Variants in THAP2 observed in about 807,000 individuals in gnomAD.
THAP2 encodes the protein THAP domain-containing protein 2.
In THAP2, 16 loss-of-function variants were observed where a neutral mutation model predicts 18.8. The observed-to-expected ratio is 0.85, with a 90% CI of 0.58 to 1.29. THAP2 has a LOEUF of 1.29. THAP2 is among the 50% of genes most tolerant of loss of function. The pLI is 0.00. For missense variants in THAP2, 251 were observed against 265.3 expected, an observed-to-expected ratio of 0.95 and a Z score of 0.38; for synonymous variants, 80 against 89.2, an observed-to-expected ratio of 0.90 and a Z score of 0.58.
At position 71,678,016 on chromosome 12, in the gene THAP2, T is replaced by C. The variant is rs897892124; in HGVS notation, c.*908T>C. 2 of 152,214 alleles carry C rather than the reference T, an allele frequency of 1.3e-5. No individual in the cohort carries two copies. The highest frequency in any genetic ancestry group is 2.9e-5 in the Non-Finnish European group (2 of 68,028). The allele number at this position is 152,214 out of a possible 1,614,324, so 9.4% of individuals were successfully genotyped here. A position where few individuals can be genotyped will look rare whatever the true frequency, so the allele number is the denominator to read the frequency against. On this transcript the variant is annotated 3_prime_UTR_variant, in exon 3 of 3. Transcript: ENST00000308086. ...GTATCAATATAGTGGGCTTTTTTTT[T>C]CCTCTTCATAAACCCACAGTAAAAT...
In THAP2 at chr12:71,664,513, C is replaced by T. The variant is rs772102938; in HGVS notation, c.4C>T (p.Pro2Ser). ...GCTGAATGAGTGGGAAAGGGAAATG[C>T]CGACCAATTGCGCTGCGGCGGGCTG... The part of the protein sequence containing the change: M[P>S]TNCAAAGCAT... The change falls in exon 1 of 3, where the codon CCG becomes TCG. Residue 2 changes from proline (P) to serine (S), a missense_variant. Pro to Ser is a moderately conservative substitution (Grantham distance 74). Transcript: ENST00000308086. 1.8e-5 allele frequency: 29 copies of T among 1,614,062 alleles called. No individual in the cohort carries two copies. Among genetic ancestry groups the T allele is most frequent in the Non-Finnish European group, 2.4e-5 (28 of 1,180,044 alleles).
Position 71,674,414 on chromosome 12 carries a change from C to G in THAP2, c.267+16C>G. 1 of 1,554,972 alleles carries G rather than the reference C, an allele frequency of 6.4e-7. No individual in the cohort carries two copies. Among genetic ancestry groups the G allele is most frequent in the Non-Finnish European group, 8.7e-7 (1 of 1,145,360 alleles). ...AAAGTCTATGGTAGGTAATGTTACT[C>G]TCCTTTTGTTAAAACCATTTTTAGA... On this transcript the variant is annotated intron_variant, in intron 2 of 2. Coordinates refer to ENST00000308086, the MANE Select transcript of THAP2 (RefSeq NM_031435.4).
rs1881537403 is a variant in THAP2, at chr12:71,677,303, A to C, written c.*195A>C. On this transcript the variant is annotated 3_prime_UTR_variant, in exon 3 of 3. Coordinates refer to ENST00000308086, the MANE Select transcript of THAP2 (RefSeq NM_031435.4). ...ATTTGAAAATGAGTGGAAGTGCCTT[A>C]CATTAGAATTACGGACTTAAAAATT... 1 of 467,900 alleles carries C rather than the reference A, an allele frequency of 2.1e-6. No homozygotes were observed. Among genetic ancestry groups the C allele is most frequent in the Non-Finnish European group, 3.4e-6 (1 of 290,912 alleles). 29.0% of individuals were successfully genotyped at this position (467,900 alleles called of 1,614,324 possible). A position where few individuals can be genotyped will look rare whatever the true frequency, so the allele number is the denominator to read the frequency against.
chr12:71,675,113 A>G (rs1881502245), intron 2 of THAP2, among the ~76,000 whole-genome samples: 1 of 152,164 alleles, frequency 6.6e-6, no homozygotes, highest in South Asian at 2.1e-4. Flanking sequence ...GCTGGGAAAG[A>G]CAGGGTCACC....
intron 1 of THAP2, among the ~76,000 whole-genome samples, chr12:71,666,515 GAAAAAAC>G (rs1881345325): frequency 6.6e-6 from 1 of 150,866 alleles, no homozygotes; most frequent in South Asian, 2.1e-4. Flanking sequence ...CCTGTCTCAA[GAAAAAAC>G]AAAAAACAAA....
chr12:71,676,560 T>C, intron 2 of THAP2, 129 bp from the exon 3 acceptor site: 1 of 899,950 alleles, frequency 1.1e-6, no homozygotes, highest in South Asian at 2.1e-5. Context: ...CTGCTGCTGT[T>C]TCCTATTAAA....
chr12:71,667,288 A>C (rs1395800289), intron 1 of THAP2, among the ~76,000 whole-genome samples: 1 of 151,752 alleles, frequency 6.6e-6, no homozygotes, highest in Non-Finnish European at 1.5e-5. Flanking sequence ...CTCTTTTGCT[A>C]CTCTTCTCTC....
intron 1 of THAP2, among the ~76,000 whole-genome samples, chr12:71,671,819 A>G (rs1163050824): frequency 6.6e-6 from 1 of 152,192 alleles, no homozygotes; most frequent in East Asian, 1.9e-4. Context: ...TTTGAGGACA[A>G]ATAGACCACT....
rs1881551498 is a variant in THAP2, at chr12:71,678,314, A to T, written c.*1206A>T. ...CTGTCTCTAAAACAGCAACAACAAA[A>T]ATAAAGCAACCATAGTGCATAAGGG... On this transcript the variant is annotated 3_prime_UTR_variant, in exon 3 of 3. Coordinates refer to ENST00000308086, the MANE Select transcript of THAP2 (RefSeq NM_031435.4). 6.6e-6 allele frequency: 1 copy of T among 152,660 alleles called. No individual in the cohort carries two copies. The highest frequency in any genetic ancestry group is 6.5e-5 in the Admixed American group (1 of 15,286). The allele number at this position is 152,660 out of a possible 1,614,324, so 9.5% of individuals were successfully genotyped here.
At position 71,680,000 on chromosome 12, in the gene THAP2, C is replaced by T. The variant is rs1295916167; in HGVS notation, c.*2892C>T. On this transcript the variant is annotated 3_prime_UTR_variant, in exon 3 of 3. Transcript: ENST00000308086. Reference sequence around the variant, plus strand: ...TAAAATACTACATCGAAATCCAGCACTGGAGTTCATTTGAAATTTGATATT... The same window carrying T: ...TAAAATACTACATCGAAATCCAGCATTGGAGTTCATTTGAAATTTGATATT... 6.6e-6 allele frequency: 1 copy of T among 152,176 alleles called. No individual in the cohort carries two copies. Among genetic ancestry groups the T allele is most frequent in the Non-Finnish European group, 1.5e-5 (1 of 68,020 alleles). The allele number at this position is 152,176 out of a possible 1,614,324, so 9.4% of individuals were successfully genotyped here.
At chr12:71,673,391 G>A (rs1017492640) in intron 1 of THAP2, among the ~76,000 whole-genome samples, 1 of 151,938 alleles carries the variant, frequency 6.6e-6, no homozygotes, top group Non-Finnish European at 1.5e-5. Flanking sequence ...AATTGGACCT[G>A]TGTAGTTCAA....
At chr12:71,669,973 ACT>A (rs1294912927) in intron 1 of THAP2, among the ~76,000 whole-genome samples, 7 of 150,756 alleles carry the variant, frequency 4.6e-5, no homozygotes, top group South Asian at 4.2e-4. Context: ...AAAAAAAAAA[ACT>A]CTATTTTCTT....
chr12:71,664,515 G>T lies in THAP2; in HGVS notation c.6G>T (p.Pro2=). The stretch of plus-strand genomic sequence containing the variant: ...TGAATGAGTGGGAAAGGGAAATGCC[G>T]ACCAATTGCGCTGCGGCGGGCTGTG... The part of the protein sequence containing the change: M[P]TNCAAAGCAT... Residue 2 remains proline, a synonymous_variant, in exon 1 of 3, where the codon CCG becomes CCT. Coordinates refer to ENST00000308086, the MANE Select transcript of THAP2 (RefSeq NM_031435.4). 6.2e-7 allele frequency: 1 copy of T among 1,614,110 alleles called. No homozygotes were observed. Among genetic ancestry groups the T allele is most frequent in the South Asian group, 1.1e-5 (1 of 91,048 alleles).
In THAP2 at chr12:71,675,248, G is replaced by T. The variant is rs1349794189; in HGVS notation, c.267+850G>T. ...AACTGTTAAACTTTTAAATGTATAT[G>T]AGTTATTATCTGAATGGAGACGAGG... On this transcript the variant is annotated intron_variant, in intron 2 of 2. Transcript: ENST00000308086. 2.0e-5 allele frequency among the ~76,000 whole-genome samples: 3 copies of T among 152,126 alleles called. No homozygotes were observed. In the South Asian group the frequency reaches 6.2e-4, roughly 32 times the overall value.
At chr12:71,667,887 C>A (rs941070678) in intron 1 of THAP2, 1 of 152,162 alleles carries the variant, frequency 6.6e-6, no homozygotes, top group Non-Finnish European at 1.5e-5. Context: ...CATACAGATA[C>A]AACAGACAAC....
At chr12:71,671,304 C>T (rs1040788165) in intron 1 of THAP2, among the ~76,000 whole-genome samples, 2 of 152,170 alleles carry the variant, frequency 1.3e-5, no homozygotes, top group Non-Finnish European at 2.9e-5. Flanking sequence ...CTTGAATAAT[C>T]AGAACCCTTC....
Position 71,676,773 on chromosome 12 carries a change from C to A in THAP2, c.352C>A (p.Gln118Lys). The part of the protein sequence containing the change: ...PSNLKSNISS[Q>K]QVLLEHSYAF... ...TAATTTAAAATCAAACATTAGTAGT[C>A]AGCAAGTACTACTTGAACACAGCTA... is the stretch of plus-strand genomic sequence containing the variant. The change falls in exon 3 of 3, where the codon CAG becomes AAG. Residue 118 changes from glutamine to lysine, a missense_variant. Coordinates refer to ENST00000308086, the MANE Select transcript of THAP2 (RefSeq NM_031435.4). 2 of 1,612,720 alleles carry A rather than the reference C, an allele frequency of 1.2e-6. No homozygotes were observed. Among genetic ancestry groups the A allele is most frequent in the South Asian group, 2.2e-5 (2 of 90,848 alleles).
At position 71,679,379 on chromosome 12, in the gene THAP2, C is replaced by T. The variant is rs960616355; in HGVS notation, c.*2271C>T. On this transcript the variant is annotated 3_prime_UTR_variant, in exon 3 of 3. Coordinates refer to ENST00000308086, the MANE Select transcript of THAP2 (RefSeq NM_031435.4). ...GTTTTATTAACATACATTTGTCTAC[C>T]TTAAAACTAGCTTTATTCACAGAGA... The T allele has an allele frequency of 6.6e-6, 1 of 152,014 alleles. No individual in the cohort carries two copies. Among genetic ancestry groups the T allele is most frequent in the East Asian group, 1.9e-4 (1 of 5,186 alleles). 9.4% of individuals were successfully genotyped at this position (152,014 alleles called of 1,614,324 possible).
intron 1 of THAP2, chr12:71,667,456 C>G (rs1468366767): frequency 6.6e-6 from 1 of 152,200 alleles, no homozygotes; most frequent in Non-Finnish European, 1.5e-5. Flanking sequence ...CAGTATTTCT[C>G]TGGTCTCCTT....
Sources: gnomAD v4.1 joint callset for allele counts (sites outside exome capture counted in the v4.1 genomes callset) on GRCh38, gnomAD v4.1.1 for gene constraint, MANE v1.5 for transcripts, NCBI Gene and HGNC (gene_info 2026-07-23, HGNC 2026-07-21) for gene names.